The following EPB41L3 variants were observed in gnomAD, a reference collection of about 807,000 sequenced individuals.
EPB41L3 encodes erythrocyte membrane protein band 4.1 like 3, also known as band 4.1-like protein 3.
Under a neutral mutation model 127.1 loss-of-function variants are expected in EPB41L3, and 57 were observed. The observed-to-expected ratio is 0.45, with a 90% confidence interval of 0.36 to 0.56. EPB41L3 has a LOEUF of 0.56. EPB41L3 is among the 20% of genes least tolerant of loss of function. The pLI is 0.00. For missense variants in EPB41L3, 1,273 were observed against 1,372.2 expected, an observed-to-expected ratio of 0.93 and a Z score of 1.14; for synonymous variants, 572 against 549.5, an observed-to-expected ratio of 1.04 and a Z score of -0.57.
At chr18:5,555,465 G>A (rs945965474) in intron 3 of EPB41L3, among the ~76,000 whole-genome samples, 1 of 152,156 alleles carries the variant, frequency 6.6e-6, no homozygotes, top group Non-Finnish European at 1.5e-5. Context: ...AGCATGGCAC[G>A]TTAGCCCTAA....
chr18:5,594,032 T>C (rs1208947209), intron 3 of EPB41L3, among the ~76,000 whole-genome samples: 3 of 152,218 alleles, frequency 2.0e-5, no homozygotes, highest in Non-Finnish European at 2.9e-5. Flanking sequence ...CACAGGGTCC[T>C]GAGGCAACAT....
intron 19 of EPB41L3, among the ~76,000 whole-genome samples, 153 bp from the exon 20 acceptor site, chr18:5,395,860 G>A (rs1374612618): frequency 6.6e-6 from 1 of 152,102 alleles, no homozygotes; most frequent in Non-Finnish European, 1.5e-5. Flanking sequence ...CCAAGAATAA[G>A]TACTAAGTGC....
chr18:5,418,414 C>T (rs2077072008), intron 12 of EPB41L3, among the ~76,000 whole-genome samples: 1 of 152,216 alleles, frequency 6.6e-6, no homozygotes, highest in Non-Finnish European at 1.5e-5. Flanking sequence ...TTCTTCAATA[C>T]TTATACATCC....
At chr18:5,518,817 A>G (rs1357789946) in intron 1 of EPB41L3, among the ~76,000 whole-genome samples, 1 of 152,176 alleles carries the variant, frequency 6.6e-6, no homozygotes, top group Non-Finnish European at 1.5e-5. Flanking sequence ...CTGCTTAAGA[A>G]TGGGACCGCA....
At chr18:5,626,314 A>G (rs2094923066) in intron 1 of EPB41L3, among the ~76,000 whole-genome samples, 1 of 152,222 alleles carries the variant, frequency 6.6e-6, no homozygotes, top group South Asian at 2.1e-4. Flanking sequence ...CATGAAAACA[A>G]AACAAATTAT....
intron 3 of EPB41L3, among the ~76,000 whole-genome samples, chr18:5,581,128 GAC>G (rs2143199521): frequency 6.6e-6 from 1 of 152,268 alleles, no homozygotes; most frequent in Non-Finnish European, 1.5e-5. Context: ...TTTGTGGTGT[GAC>G]ACAACCAAAT....
chr18:5,505,795 T>C (rs1272774530), intron 1 of EPB41L3, among the ~76,000 whole-genome samples: 15 of 104,802 alleles, frequency 1.4e-4, no homozygotes, highest in Admixed American at 1.9e-4. Flanking sequence ...CCTCCACACC[T>C]TCACCTCCAC....
chr18:5,464,781 C>A (rs2084656715), intron 3 of EPB41L3, among the ~76,000 whole-genome samples: 1 of 152,174 alleles, frequency 6.6e-6, no homozygotes, highest in African/African-American at 2.4e-5. Flanking sequence ...CTCAGAGTTA[C>A]TAAGTAAGAA....
chr18:5,574,384 T>G (rs865936967), intron 3 of EPB41L3, among the ~76,000 whole-genome samples: 11 of 151,384 alleles, frequency 7.3e-5, no homozygotes, highest in African/African-American at 2.7e-4. Flanking sequence ...GAATCAGTTT[T>G]TTTTTTTTTT....
chr18:5,526,973 A>G (rs762787573), intron 1 of EPB41L3, among the ~76,000 whole-genome samples: 9 of 151,356 alleles, frequency 5.9e-5, no homozygotes, highest in Middle Eastern at 3.4e-3. Context: ...AGTACGAATT[A>G]TTTTCCAAAT....
chr18:5,618,393 T>A (rs2094822487), intron 1 of EPB41L3, among the ~76,000 whole-genome samples: 1 of 152,214 alleles, frequency 6.6e-6, no homozygotes, highest in South Asian at 2.1e-4. Flanking sequence ...TAAACATGCA[T>A]TCCTTATGCG....
intron 3 of EPB41L3, among the ~76,000 whole-genome samples, chr18:5,598,930 G>A (rs2094562509): frequency 6.6e-6 from 1 of 152,128 alleles, no homozygotes; most frequent in South Asian, 2.1e-4. Flanking sequence ...AACTCCCTTG[G>A]AATCTAGCAC....
At chr18:5,406,558 C>T (rs1393724507) in intron 16 of EPB41L3, among the ~76,000 whole-genome samples, 1 of 152,174 alleles carries the variant, frequency 6.6e-6, no homozygotes, top group Non-Finnish European at 1.5e-5. Context: ...TGTGGCTTCC[C>T]GCCCTAAGAA....
At chr18:5,616,236 G>A (rs2094793828) in intron 1 of EPB41L3, among the ~76,000 whole-genome samples, 4 of 151,988 alleles carry the variant, frequency 2.6e-5, no homozygotes, top group Admixed American at 2.0e-4. Context: ...GTGTATGCCT[G>A]CTGCACTCTT....
Position 5,410,590 on chromosome 18 carries a change from G to T in EPB41L3, c.2097C>A (p.Ala699=), listed in dbSNP as rs140128908. 1 of 1,613,450 alleles carries T rather than the reference G, an allele frequency of 6.2e-7. No individual in the cohort carries two copies. The highest frequency in any genetic ancestry group is 1.3e-5 in the African/African-American group (1 of 74,896). ...CCTCAGTGGCAGTGGTCTCCCCGTC[G>T]GCTGCGGTGTCCGTGCGCTCACTGT... is the stretch of plus-strand genomic sequence containing the variant. The part of the protein sequence containing the change: ...ETDSERTDTA[A]DGETTATESD... The change falls in exon 14 of 23, where the codon GCC becomes GCA. Residue 699 remains alanine, a synonymous_variant. Transcript: ENST00000341928.
At chr18:5,465,420 G>T (rs984833072) in intron 3 of EPB41L3, among the ~76,000 whole-genome samples, 4 of 151,932 alleles carry the variant, frequency 2.6e-5, no homozygotes, top group Non-Finnish European at 5.9e-5. Flanking sequence ...AATATTTTTC[G>T]GTGTCTTATA....
At chr18:5,415,782 A>G in intron 13 of EPB41L3, 36 bp downstream of exon 13, 1 of 1,587,872 alleles carries the variant, frequency 6.3e-7, no homozygotes, top group Non-Finnish European at 8.6e-7. Context: ...AGCACGGAAC[A>G]CGAAGGGGAA....
At chr18:5,459,856 A>G (rs924765354) in intron 3 of EPB41L3, among the ~76,000 whole-genome samples, 11 of 152,370 alleles carry the variant, frequency 7.2e-5, no homozygotes, top group African/African-American at 2.4e-4. Flanking sequence ...AAGACTGCAG[A>G]CTATACAAAA....
chr18:5,432,861 G>C (rs955728684), intron 8 of EPB41L3, among the ~76,000 whole-genome samples: 4 of 152,172 alleles, frequency 2.6e-5, no homozygotes, highest in Admixed American at 1.3e-4. Context: ...TTATTTCAGA[G>C]CTCTGATTAT....
Sources: gnomAD v4.1 joint callset for allele counts (sites outside exome capture counted in the v4.1 genomes callset) on GRCh38, gnomAD v4.1.1 for gene constraint, MANE v1.5 for transcripts, NCBI Gene and HGNC (gene_info 2026-07-23, HGNC 2026-07-21) for gene names.